SYT1: variants seen among roughly 807,000 people sequenced by gnomAD.
SYT1 encodes the protein synaptotagmin-1.
In SYT1, 8 loss-of-function variants were observed where a neutral mutation model predicts 44.8. The observed-to-expected ratio is 0.18, with a 90% CI of 0.10 to 0.32. The LOEUF (loss-of-function observed/expected upper bound fraction) is 0.32. Ranked by LOEUF, SYT1 falls within the 10% of genes least tolerant of loss-of-function variation. The pLI, the probability that SYT1 is intolerant of heterozygous loss-of-function variation, is 1.00. For missense variants in SYT1, 286 were observed against 509.3 expected (o/e 0.56, Z 4.22); for synonymous variants, 154 against 188.8 (o/e 0.82, Z 1.51).
chr12:78,988,241 A>C (rs1417012769), intron 2 of SYT1, among the ~76,000 whole-genome samples: 1 of 151,836 alleles, frequency 6.6e-6, no homozygotes, highest in Non-Finnish European at 1.5e-5. Context: ...ATTATATTGG[A>C]GAAACAGACA....
rs1179152060 is a variant in SYT1 at position 78,997,099 on chromosome 12, A to T, written c.-84+19168A>T. On this transcript the variant is annotated intron_variant, in intron 2 of 10. Coordinates refer to ENST00000261205, the MANE Select transcript of SYT1 (RefSeq NM_005639.3). ...GGAAGTCTCTTAGAGGCCCAACAGC[A>T]TATGCCTCTATATCTCTCAGTTCCA... Among the ~76,000 whole-genome samples the T allele has an allele frequency of 4.6e-5, 7 of 152,344 alleles. No individual in the cohort carries two copies. In the East Asian group the frequency reaches 1.2e-3, roughly 25 times the overall value.
intron 1 of SYT1, among the ~76,000 whole-genome samples, chr12:78,877,705 G>C (rs1429193206): frequency 6.6e-6 from 1 of 151,414 alleles, no homozygotes; most frequent in Admixed American, 6.6e-5. Flanking sequence ...TTCTGGCTCT[G>C]TCATTCAGGT....
At chr12:79,442,049 G>A (rs1870455250) in intron 9 of SYT1, among the ~76,000 whole-genome samples, 1 of 152,134 alleles carries the variant, frequency 6.6e-6, no homozygotes, top group Non-Finnish European at 1.5e-5. Flanking sequence ...AGATGTGCAA[G>A]GTTTTTTCTT....
At chr12:79,433,084 G>A (rs777783998) in intron 9 of SYT1, among the ~76,000 whole-genome samples, 2 of 152,026 alleles carry the variant, frequency 1.3e-5, no homozygotes, top group Non-Finnish European at 1.5e-5. Context: ...GCATTTCCAG[G>A]TCTCCCTCAG....
At chr12:79,399,555 A>G (rs758480807) in intron 9 of SYT1, among the ~76,000 whole-genome samples, 2 of 152,200 alleles carry the variant, frequency 1.3e-5, no homozygotes, top group Non-Finnish European at 2.9e-5. Context: ...TCCATAACAT[A>G]TTAGGGGAAA....
intron 1 of SYT1, among the ~76,000 whole-genome samples, chr12:78,877,756 G>A (rs1021369979): frequency 7.9e-5 from 12 of 151,812 alleles, no homozygotes; most frequent in Non-Finnish European, 1.6e-4. Context: ...AGCTACCTGA[G>A]TAACTGAGAC....
chr12:79,121,836 A>T (rs1424265732), intron 3 of SYT1, among the ~76,000 whole-genome samples: 1 of 152,246 alleles, frequency 6.6e-6, no homozygotes, highest in African/African-American at 2.4e-5. Flanking sequence ...AATATCAAGA[A>T]CCTGTCAATG....
intron 1 of SYT1, among the ~76,000 whole-genome samples, chr12:78,914,144 A>G (rs1876506357): frequency 6.6e-6 from 1 of 151,918 alleles, no homozygotes; most frequent in Non-Finnish European, 1.5e-5. Context: ...ATTAATCACT[A>G]ATCAAAATTC....
Position 79,387,122 on chromosome 12 carries a change from T to C in SYT1, c.928+33503T>C, listed in dbSNP as rs185513832. Reference sequence around the variant, plus strand: ...GATTTTATCCTAATTTATCTCTGTTTATCTTCATTTTCAGCATTTCTGCTC... The same window carrying C: ...GATTTTATCCTAATTTATCTCTGTTCATCTTCATTTTCAGCATTTCTGCTC... On this transcript the variant is annotated intron_variant, in intron 9 of 10. Coordinates refer to ENST00000261205, the MANE Select transcript of SYT1 (RefSeq NM_005639.3). Among the ~76,000 whole-genome samples the C allele has an allele frequency of 7.9e-5, 12 of 152,316 alleles. No homozygotes were observed. In the South Asian group the frequency reaches 1.7e-3, roughly 21 times the overall value.
intron 4 of SYT1, among the ~76,000 whole-genome samples, chr12:79,253,145 A>T (rs1176014324): frequency 6.6e-6 from 1 of 152,250 alleles, no homozygotes; most frequent in Non-Finnish European, 1.5e-5. Flanking sequence ...AAAAGAAAAA[A>T]ACTATAAGCT....
intron 3 of SYT1, among the ~76,000 whole-genome samples, chr12:79,053,952 GA>G (rs765903679): frequency 1.6e-4 from 25 of 152,168 alleles, no homozygotes; most frequent in East Asian, 1.5e-3. Context: ...AAGCCTAAGA[GA>G]GTTCATATAT....
At chr12:79,244,708 A>G (rs1369390786) in intron 4 of SYT1, among the ~76,000 whole-genome samples, 1 of 150,662 alleles carries the variant, frequency 6.6e-6, no homozygotes, top group Non-Finnish European at 1.5e-5. Context: ...TGTCTCAAAA[A>G]AAGAAGAAAA....
chr12:78,953,034 C>A (rs117024801), intron 1 of SYT1, among the ~76,000 whole-genome samples: 1,695 of 152,162 alleles, frequency 0.011, 14 homozygotes, highest in Non-Finnish European at 0.016. Flanking sequence ...ATTCAGTTTA[C>A]TTCATCCCCA....
intron 2 of SYT1, among the ~76,000 whole-genome samples, chr12:79,029,195 G>C (rs1872698312): frequency 6.6e-6 from 1 of 151,046 alleles, no homozygotes; most frequent in Non-Finnish European, 1.5e-5. Flanking sequence ...CGGTAGTGCA[G>C]ATTTGTTTTT....
rs74110139 is a variant in SYT1 at position 79,084,092 on chromosome 12, A to T, written c.-18+36730A>T. Among the ~76,000 whole-genome samples the T allele has an allele frequency of 9.0e-3, 1,367 of 152,190 alleles. 26 individuals carry two copies. Among genetic ancestry groups the T allele is most frequent in the African/African-American group, 0.031 (1,267 of 41,532 alleles). Reference sequence around the variant, plus strand: ...TCAGGTGTGGAGCAGTTCAGATGTAACTATTTACCAGATGTGAATTTTTTA... The same window carrying T: ...TCAGGTGTGGAGCAGTTCAGATGTATCTATTTACCAGATGTGAATTTTTTA... On this transcript the variant is annotated intron_variant, in intron 3 of 10. Coordinates refer to ENST00000261205, the MANE Select transcript of SYT1 (RefSeq NM_005639.3).
At chr12:79,029,342 A>G (rs1242887578) in intron 2 of SYT1, among the ~76,000 whole-genome samples, 1 of 149,408 alleles carries the variant, frequency 6.7e-6, no homozygotes, top group Non-Finnish European at 1.5e-5. Context: ...CTAGTGTGCC[A>G]TATTGTACAA....
At chr12:79,171,736 T>A (rs1000941954) in intron 3 of SYT1, among the ~76,000 whole-genome samples, 1 of 151,958 alleles carries the variant, frequency 6.6e-6, no homozygotes, top group East Asian at 1.9e-4. Flanking sequence ...TGGGTTTAGA[T>A]CTTGGCTATA....
At chr12:79,440,531 T>C (rs1870351962) in intron 9 of SYT1, among the ~76,000 whole-genome samples, 2 of 152,200 alleles carry the variant, frequency 1.3e-5, no homozygotes, top group African/African-American at 2.4e-5. Flanking sequence ...TCAGAAAACC[T>C]AGTGAATGTT....
chr12:78,985,204 T>C (rs12318867), intron 2 of SYT1, among the ~76,000 whole-genome samples: 2,061 of 152,010 alleles, frequency 0.014, 43 homozygotes, highest in African/African-American at 0.047. Flanking sequence ...TGTTTAACAA[T>C]GAAGAACTAT....
Sources: gnomAD v4.1 joint callset for allele counts (sites outside exome capture counted in the v4.1 genomes callset) on GRCh38, gnomAD v4.1.1 for gene constraint, MANE v1.5 for transcripts, NCBI Gene and HGNC (gene_info 2026-07-23, HGNC 2026-07-21) for gene names.